CHD1L: variants seen among roughly 807,000 people sequenced by gnomAD.
CHD1L encodes the protein chromodomain helicase DNA binding protein 1 like, also known as ATP-dependent chromatin remodeler CHD1L.
Under a neutral mutation model 115.9 loss-of-function variants are expected in CHD1L, and 118 were observed. That is an observed-to-expected ratio of 1.02 (90% CI 0.88 to 1.19). The LOEUF (loss-of-function observed/expected upper bound fraction) is 1.19. Among genes scored for constraint, CHD1L ranks in the 50% most tolerant of loss-of-function variants. CHD1L has a pLI of 0.00. For missense variants in CHD1L, 1,179 were observed against 1,065.3 expected (o/e 1.11, Z -1.49); for synonymous variants, 411 against 387.1 (o/e 1.06, Z -0.72).
chr1:147,263,479 C>T (rs1553945677), intron 6 of CHD1L, among the ~76,000 whole-genome samples: 1 of 150,844 alleles, frequency 6.6e-6, no homozygotes, highest in African/African-American at 2.4e-5. Flanking sequence ...GATATGGCTT[C>T]CTCATTTTGA....
chr1:147,293,177 C>T (rs951782865), intron 20 of CHD1L, among the ~76,000 whole-genome samples: 5 of 152,030 alleles, frequency 3.3e-5, no homozygotes, highest in Non-Finnish European at 7.4e-5. Flanking sequence ...GGCATTTTGT[C>T]CTCATGGGAA....
intron 20 of CHD1L, 87 bp from the exon 21 acceptor site, chr1:147,293,521 A>G: frequency 9.5e-7 from 1 of 1,056,254 alleles, no homozygotes. Flanking sequence ...GTGACCCATC[A>G]AGGGCTGTGC....
At chr1:147,256,630 T>G in intron 5 of CHD1L, 68 bp downstream of exon 5, 1 of 1,475,924 alleles carries the variant, frequency 6.8e-7, no homozygotes, top group Non-Finnish European at 9.5e-7. Context: ...TTCCTTCACG[T>G]TTTAGTACTT....
intron 1 of CHD1L, among the ~76,000 whole-genome samples, chr1:147,244,781 C>T (rs980711674): frequency 1.8e-5 from 2 of 110,348 alleles, no homozygotes; most frequent in African/African-American, 3.6e-5. Context: ...TAGACAGTCC[C>T]TCTTCTTGGT....
At chr1:147,214,999 A>G in the CHD1L span, 1 of 152,172 alleles carries the variant, frequency 6.6e-6, no homozygotes, top group Non-Finnish European at 1.5e-5. Flanking sequence ...GGCATGACTT[A>G]GCAGGATGAT....
the CHD1L span, among the ~76,000 whole-genome samples, chr1:147,236,124 C>G: frequency 3.3e-5 from 5 of 152,188 alleles, no homozygotes; most frequent in African/African-American, 4.8e-5. Context: ...GCACTGACTC[C>G]CTGTGAGGCT....
the CHD1L span, among the ~76,000 whole-genome samples, chr1:147,192,546 C>A: frequency 2.7e-5 from 4 of 150,866 alleles, no homozygotes; most frequent in African/African-American, 7.5e-5. Context: ...ATCCAACACT[C>A]TGTTGAATAG....
intron 5 of CHD1L, among the ~76,000 whole-genome samples, chr1:147,256,856 A>G (rs1670330976): frequency 6.6e-6 from 1 of 152,236 alleles, no homozygotes; most frequent in Non-Finnish European, 1.5e-5. Context: ...GATTAAATAT[A>G]CTTTGTATGG....
At chr1:147,215,989 T>A in the CHD1L span, 1 of 1,416,546 alleles carries the variant, frequency 7.1e-7, no homozygotes, top group Non-Finnish European at 9.7e-7. Flanking sequence ...ATCATCTTCA[T>A]GTTTTATAAT....
chr1:147,178,807 ATTAAAAAG>A, the CHD1L span: 1 of 1,605,478 alleles, frequency 6.2e-7, no homozygotes, highest in Non-Finnish European at 8.5e-7. Context: ...CAGTGGCAAA[ATTAAAAAG>A]TTTATCCAGG....
upstream of CHD1L, among the ~76,000 whole-genome samples, chr1:147,241,523 C>T (rs1055751765): frequency 2.0e-5 from 3 of 152,170 alleles, no homozygotes; most frequent in African/African-American, 7.2e-5. Flanking sequence ...AGCCCACCTG[C>T]ACCCAGGTGA....
At chr1:147,249,238 G>A (rs2102308575) in intron 1 of CHD1L, among the ~76,000 whole-genome samples, 1 of 152,084 alleles carries the variant, frequency 6.6e-6, no homozygotes, top group African/African-American at 2.4e-5. Context: ...GAAACATGTT[G>A]TGGCATTTCT....
At chr1:147,284,557 C>CAAAA (rs869180259) in intron 16 of CHD1L, 58 bp downstream of exon 16, 15 of 1,422,348 alleles carry the variant, frequency 1.1e-5, no homozygotes, top group Middle Eastern at 1.9e-4. Context: ...CTAAAACAAA[C>CAAAA]AAAAAAATGA....
At chr1:147,228,234 C>T in the CHD1L span, among the ~76,000 whole-genome samples, 3 of 151,274 alleles carry the variant, frequency 2.0e-5, no homozygotes, top group East Asian at 5.9e-4. Context: ...TGTTCAATTC[C>T]CACCTATGAC....
chr1:147,202,597 C>T, the CHD1L span, among the ~76,000 whole-genome samples: 12 of 152,212 alleles, frequency 7.9e-5, no homozygotes, highest in East Asian at 5.8e-4. Flanking sequence ...GGATTACAGG[C>T]GTGAGCCACA....
At chr1:147,189,980 TTC>T in the CHD1L span, among the ~76,000 whole-genome samples, 5 of 152,188 alleles carry the variant, frequency 3.3e-5, no homozygotes, top group Non-Finnish European at 5.9e-5. Flanking sequence ...CCTAAAACTT[TTC>T]TCTCTTTTCT....
In CHD1L at chr1:147,294,412, G is replaced by A; in HGVS notation, c.2510G>A (p.Ser837Asn). 6.2e-7 allele frequency: 1 copy of A among 1,609,226 alleles called. No homozygotes were observed. Among genetic ancestry groups the A allele is most frequent in the Non-Finnish European group, 8.5e-7 (1 of 1,177,670 alleles). Reference sequence around the variant, plus strand: ...TGTGTTCTTCTCTTCATAATAGCAAGTGTTCATCTTCCACGTATTGGACAT... The same window carrying A: ...TGTGTTCTTCTCTTCATAATAGCAAATGTTCATCTTCCACGTATTGGACAT... ...IFLAAKKKKA[S>N]VHLPRIGHAT... is the part of the protein sequence containing the mutation. The change falls in exon 22 of 23, where the codon AGT becomes AAT. Residue 837 changes from serine (S) to asparagine (N), a missense_variant. By Grantham distance (46) the Ser-to-Asn change is conservative. Coordinates refer to ENST00000369258, the MANE Select transcript of CHD1L (RefSeq NM_004284.6).
chr1:147,176,473 T>A, the CHD1L span: 3 of 152,222 alleles, frequency 2.0e-5, no homozygotes, highest in Non-Finnish European at 4.4e-5. Context: ...CAGTATTTCT[T>A]GATAAGTATA....
intron 5 of CHD1L, 32 bp from the exon 6 acceptor site, chr1:147,259,805 A>G: frequency 2.5e-6 from 4 of 1,574,786 alleles, no homozygotes; most frequent in Non-Finnish European, 3.5e-6. Flanking sequence ...TTTAAATTAC[A>G]CAAAACTGAA....
Sources: allele counts gnomAD v4.1 joint callset (sites outside exome capture counted in the v4.1 genomes callset), GRCh38; gene constraint gnomAD v4.1.1; transcripts MANE v1.5; gene names NCBI Gene and HGNC (gene_info 2026-07-23, HGNC 2026-07-21).